The following CASP4 variants were observed in gnomAD, a reference collection of about 807,000 sequenced individuals.
CASP4 encodes the protein caspase 4.
In CASP4, 29 loss-of-function variants were observed where a neutral mutation model predicts 41.3. The observed-to-expected ratio is 0.70, with a 90% CI of 0.52 to 0.96. The LOEUF is 0.96. Ranked by LOEUF, CASP4 falls within the 40% of genes least tolerant of loss-of-function variation. CASP4 has a pLI of 0.00. For missense variants in CASP4, 447 were observed against 460.6 expected (o/e 0.97, Z 0.27); for synonymous variants, 185 against 158.4 (o/e 1.17, Z -1.26).
chr11:104,955,164 C>G lies in CASP4; in HGVS notation c.8-163G>C, dbSNP rs116036652. On this transcript the variant is annotated intron_variant, in intron 1 of 8. Transcript: ENST00000444739. ...GTTCTGTCATTCATCATATTCCTAC[C>G]AGGTTGTTTAACAATTTATTGCCAC... Among the ~76,000 whole-genome samples the G allele has an allele frequency of 5.0e-3, 754 of 152,184 alleles. 5 individuals carry two copies. The highest frequency in any genetic ancestry group is 0.016 in the African/African-American group (673 of 41,522).
At chr11:104,949,203 A>C in intron 5 of CASP4, 1 of 348,236 alleles carries the variant, frequency 2.9e-6, no homozygotes. Flanking sequence ...ATTCTTCTCA[A>C]ACCACACAAT....
intron 8 of CASP4, 40 bp from the exon 9 acceptor site, chr11:104,943,013 C>A (rs1860362715): frequency 2.2e-6 from 1 of 453,758 alleles, no homozygotes; most frequent in African/African-American, 2.0e-5. Flanking sequence ...AGATGGTTAC[C>A]CCTTGCTGCC....
chr11:104,957,771 A>G (rs1860768040), intron 1 of CASP4, among the ~76,000 whole-genome samples: 1 of 152,178 alleles, frequency 6.6e-6, no homozygotes, highest in African/African-American at 2.4e-5. Context: ...TTACAAAAAT[A>G]GAAACAAATC....
intron 5 of CASP4, 106 bp from the exon 6 acceptor site, chr11:104,948,782 A>T: frequency 1.1e-6 from 1 of 907,126 alleles, no homozygotes; most frequent in Non-Finnish European, 1.6e-6. Flanking sequence ...AGTTTCATAC[A>T]TACAGACCCA....
At chr11:104,945,065 C>A (rs1860422900) in intron 7 of CASP4, among the ~76,000 whole-genome samples, 1 of 152,150 alleles carries the variant, frequency 6.6e-6, no homozygotes, top group Admixed American at 6.5e-5. Flanking sequence ...ATAAACACCT[C>A]ATGTCTAATC....
chr11:104,964,122 G>T (rs1860921426), intron 1 of CASP4, among the ~76,000 whole-genome samples: 1 of 152,126 alleles, frequency 6.6e-6, no homozygotes, highest in Non-Finnish European at 1.5e-5. Context: ...AAAATTCCTA[G>T]TCAATTATAG....
intron 1 of CASP4, among the ~76,000 whole-genome samples, chr11:104,958,451 T>C (rs1207841184): frequency 3.3e-5 from 5 of 152,032 alleles, no homozygotes; most frequent in African/African-American, 1.2e-4. Context: ...TAAACTGATT[T>C]AGAAATAAGC....
At chr11:104,955,539 A>G (rs1860718471) in intron 1 of CASP4, among the ~76,000 whole-genome samples, 1 of 149,532 alleles carries the variant, frequency 6.7e-6, no homozygotes, top group Admixed American at 6.7e-5. Flanking sequence ...AAATGTTTAA[A>G]AGTACTTAAT....
chr11:104,957,384 A>G (rs1860760107), intron 1 of CASP4, among the ~76,000 whole-genome samples: 1 of 152,204 alleles, frequency 6.6e-6, no homozygotes, highest in Admixed American at 6.5e-5. Context: ...CAACCCGATC[A>G]ACATGGTGAG....
chr11:104,949,411 G>A (rs1860548164), intron 5 of CASP4, 132 bp downstream of exon 5: 1 of 953,148 alleles, frequency 1.0e-6, no homozygotes, highest in African/African-American at 1.6e-5. Context: ...CTTAGGTAGA[G>A]TTTCTTTAGA....
At chr11:104,966,948 G>A (rs772581134) in intron 1 of CASP4, among the ~76,000 whole-genome samples, 6 of 152,136 alleles carry the variant, frequency 3.9e-5, no homozygotes, top group Non-Finnish European at 5.9e-5. Flanking sequence ...GCATGAATTA[G>A]CTATCATATG....
At chr11:104,955,718 T>G (rs1860722633) in intron 1 of CASP4, among the ~76,000 whole-genome samples, 1 of 152,108 alleles carries the variant, frequency 6.6e-6, no homozygotes. Context: ...TATTACTCCT[T>G]AGAGTAATTT....
rs1861027130 is a variant in CASP4, at chr11:104,968,565, G to T, written c.-40C>A. 1.2e-6 allele frequency: 2 copies of T among 1,609,198 alleles called. No individual in the cohort carries two copies. The highest frequency in any genetic ancestry group is 4.5e-5 in the East Asian group (2 of 44,818). On this transcript the variant is annotated 5_prime_UTR_variant, in exon 1 of 9. Transcript: ENST00000444739. ...GTCCTTTTTTACAGCGTTGGAAAGA[G>T]CCTCAGAGTCAAAAATGAAAGTAAA...
At chr11:104,949,351 A>G (rs1860546693) in intron 5 of CASP4, 192 bp downstream of exon 5, 4 of 627,742 alleles carry the variant, frequency 6.4e-6, no homozygotes, top group Admixed American at 2.9e-5. Flanking sequence ...AAAATTGAAC[A>G]GAAATTTCTC....
In CASP4 at chr11:104,948,565, T is replaced by C. The variant is rs1253859581; in HGVS notation, c.893A>G (p.Lys298Arg). ...EDAVYKTHVE[K>R]DFIAFCSSTP... ...TGAAGAGCAGAAAGCAATGAAGTCC[T>C]TCTCCACGTGGGTCTTGTAAACAGC... Residue 298 changes from lysine (K) to arginine (R), a missense_variant, in exon 6 of 9, where the codon AAG becomes AGG. Physicochemically the swap from Lys to Arg is conservative, Grantham distance 26 (BLOSUM62 2). Coordinates refer to ENST00000444739, the MANE Select transcript of CASP4 (RefSeq NM_001225.4). 1.7e-5 allele frequency: 28 copies of C among 1,610,634 alleles called. No homozygotes were observed. The highest frequency in any genetic ancestry group is 2.4e-5 in the Non-Finnish European group (28 of 1,177,910).
chr11:104,963,677 G>C (rs1040252086), intron 1 of CASP4, among the ~76,000 whole-genome samples: 16 of 152,216 alleles, frequency 1.1e-4, no homozygotes, highest in African/African-American at 3.9e-4. Flanking sequence ...ACATCCCCAT[G>C]CCTGACTGAG....
chr11:104,965,842 A>C (rs1374415669), intron 1 of CASP4, among the ~76,000 whole-genome samples: 1 of 152,152 alleles, frequency 6.6e-6, no homozygotes, highest in Non-Finnish European at 1.5e-5. Flanking sequence ...ATCTAATATC[A>C]GCACTTAAGA....
chr11:104,954,934 A>T lies in CASP4; in HGVS notation c.75T>A (p.Val25=), dbSNP rs767589687. Residue 25 remains valine, a synonymous_variant, in exon 2 of 9, where the codon GTT becomes GTA. Transcript: ENST00000444739. ...ESLGKDFLTG[V]LDNLVEQNVL... ...CATTTTGTTCCACCAAGTTATCCAAAACACCAGTGAGGAAATCTTTGCCCA... is the reference window on the plus strand; with the variant it reads ...CATTTTGTTCCACCAAGTTATCCAATACACCAGTGAGGAAATCTTTGCCCA... 6.2e-7 allele frequency: 1 copy of T among 1,611,696 alleles called. No individual in the cohort carries two copies. Among genetic ancestry groups the T allele is most frequent in the Admixed American group, 1.7e-5 (1 of 59,914 alleles).
intron 1 of CASP4, among the ~76,000 whole-genome samples, chr11:104,965,657 C>A (rs796494689): frequency 1.3e-4 from 20 of 152,204 alleles, no homozygotes; most frequent in African/African-American, 4.6e-4. Context: ...TGAAACAAAA[C>A]CGGTAACAGC....
Sources: gnomAD v4.1 joint callset for allele counts (sites outside exome capture counted in the v4.1 genomes callset) on GRCh38, gnomAD v4.1.1 for gene constraint, MANE v1.5 for transcripts, NCBI Gene and HGNC (gene_info 2026-07-23, HGNC 2026-07-21) for gene names.